Variants in AKAP9 observed in about 807,000 individuals in gnomAD.
The protein encoded by AKAP9 is A-kinase anchor protein 9.
AKAP9 carries 311 observed loss-of-function variants against 488.5 expected under a neutral mutation model. The ratio of observed to expected loss-of-function variants is 0.64; its 90% CI spans 0.58 to 0.70. AKAP9 has a LOEUF of 0.70. Ranked by LOEUF, AKAP9 falls within the 30% of genes least tolerant of loss-of-function variation. The pLI, the probability that AKAP9 is intolerant of heterozygous loss-of-function variation, is 0.00. For missense variants in AKAP9, 4,215 were observed against 4,374.5 expected, an observed-to-expected ratio of 0.96 and a Z score of 1.03; for synonymous variants, 1,462 against 1,483.5, an observed-to-expected ratio of 0.99 and a Z score of 0.33.
At chr7:92,003,343 AAATG>A in intron 8 of AKAP9, 108 bp downstream of exon 8, 1 of 831,200 alleles carries the variant, frequency 1.2e-6, no homozygotes, top group Non-Finnish European at 1.9e-6. Context: ...AAGAGAATGA[AAATG>A]AACCCTCTGA....
intron 25 of AKAP9, among the ~76,000 whole-genome samples, chr7:92,065,954 G>A (rs1810701508): frequency 6.6e-6 from 1 of 151,928 alleles, no homozygotes; most frequent in East Asian, 1.9e-4. Context: ...TTTCACTTAA[G>A]CCTGATACTC....
Position 92,076,959 on chromosome 7 carries a change from A to G in AKAP9, c.6717A>G (p.Glu2239=). ...TGCAATTAGAAATACAGAAAAAGGA[A>G]TCTACTACCCGCCTACAAGAACTTG... is the stretch of plus-strand genomic sequence containing the variant. The part of the protein sequence containing the change: ...LHMQLEIQKK[E]STTRLQELEQ... The change falls in exon 29 of 50, where the codon GAA becomes GAG. Residue 2239 remains glutamate, a synonymous_variant. Coordinates refer to ENST00000356239, the MANE Select transcript of AKAP9 (RefSeq NM_005751.5). The G allele has an allele frequency of 6.3e-7, 1 of 1,581,744 alleles. No individual in the cohort carries two copies. Among genetic ancestry groups the G allele is most frequent in the Non-Finnish European group, 8.6e-7 (1 of 1,157,394 alleles).
rs1225507886 is a variant in AKAP9, at chr7:91,955,065, A to G, written c.48+13918A>G. 3.9e-5 allele frequency among the ~76,000 whole-genome samples: 6 copies of G among 152,190 alleles called. No individual in the cohort carries two copies. The East Asian group carries it at 1.2e-3, about 29-fold the overall frequency. On this transcript the variant is annotated intron_variant, in intron 1 of 49. Transcript: ENST00000356239. ...ACACACTCATTTTAGAATCCTTTATATAAGATGAATCTCCTCGTGTTATCT... is the reference window on the plus strand; with the variant it reads ...ACACACTCATTTTAGAATCCTTTATGTAAGATGAATCTCCTCGTGTTATCT...
intron 38 of AKAP9, among the ~76,000 whole-genome samples, chr7:92,091,615 G>C (rs111845577): frequency 0.048 from 6,212 of 130,118 alleles, 257 homozygotes; most frequent in Non-Finnish European, 0.072. Context: ...AAAAAACAAA[G>C]CAGAAGCATT....
chr7:92,107,499 C>CT (rs909273653), intron 48 of AKAP9, 77 bp downstream of exon 48: 1 of 1,363,862 alleles, frequency 7.3e-7, no homozygotes, highest in Non-Finnish European at 1.0e-6. Flanking sequence ...ATTTTTAGGG[C>CT]TTTGACTTCT....
chr7:92,081,793 T>C (rs1255925116), intron 31 of AKAP9, among the ~76,000 whole-genome samples: 1 of 152,112 alleles, frequency 6.6e-6, no homozygotes, highest in African/African-American at 2.4e-5. Flanking sequence ...ATTCTCACCT[T>C]ATAAATTTAT....
intron 43 of AKAP9, among the ~76,000 whole-genome samples, chr7:92,099,394 C>T (rs1817157015): frequency 6.6e-6 from 1 of 152,154 alleles, no homozygotes; most frequent in Non-Finnish European, 1.5e-5. Context: ...TCAAGCCTTT[C>T]GTGACTCTCC....
intron 1 of AKAP9, among the ~76,000 whole-genome samples, chr7:91,970,737 A>G (rs1418398445): frequency 1.3e-5 from 2 of 152,032 alleles, no homozygotes; most frequent in Non-Finnish European, 2.9e-5. Flanking sequence ...TAGCTCTTTT[A>G]TACATTGTTT....
At chr7:92,083,702 TAA>T (rs34688691) in intron 33 of AKAP9, 47 bp downstream of exon 33, 308 of 1,425,826 alleles carry the variant, frequency 2.2e-4, no homozygotes, top group Middle Eastern at 5.6e-4. Flanking sequence ...TGTGGTTTTT[TAA>T]AAAAAAAAAA....
intron 47 of AKAP9, 128 bp from the exon 48 acceptor site, chr7:92,107,165 A>T: frequency 1.1e-6 from 1 of 933,818 alleles, no homozygotes; most frequent in Non-Finnish European, 1.6e-6. Context: ...AATAATAGAA[A>T]ATGACTATAA....
In AKAP9 at chr7:92,083,594, A is replaced by G. The variant is rs752618658; in HGVS notation, c.8585A>G (p.Gln2862Arg). The change falls in exon 33 of 50, where the codon CAG becomes CGG. Residue 2862 changes from glutamine (Q) to arginine (R), a missense_variant. Physicochemically the swap from Gln to Arg is conservative, Grantham distance 43. Around this residue, in one of 5 missense-constraint regions of AKAP9, gnomAD observed 1,476 missense variants for 1,477.4 expected, o/e 1.00. Coordinates refer to ENST00000356239, the MANE Select transcript of AKAP9 (RefSeq NM_005751.5). ...TLKREHYVAV[Q>R]LLKEECGTLK... The stretch of plus-strand genomic sequence containing the variant: ...AAGAGGGAACACTATGTTGCCGTTC[A>G]GTTACTGAAAGAGGAATGTGGTACC... 15 of 1,603,348 alleles carry G rather than the reference A, an allele frequency of 9.4e-6. No homozygotes were observed. The Admixed American group carries it at 2.6e-4, about 28-fold the overall frequency.
chr7:92,027,116 G>A (rs1803339979), intron 14 of AKAP9, among the ~76,000 whole-genome samples: 2 of 144,312 alleles, frequency 1.4e-5, no homozygotes, highest in Admixed American at 6.9e-5. Flanking sequence ...AGGAAGTGAG[G>A]AGCATCTCTG....
At chr7:92,017,665 G>T (rs1325098302) in intron 12 of AKAP9, among the ~76,000 whole-genome samples, 5 of 152,132 alleles carry the variant, frequency 3.3e-5, no homozygotes, top group Non-Finnish European at 7.4e-5. Context: ...CTATTTATTT[G>T]GGGTGCTTTT....
In AKAP9 at chr7:92,090,823, G is replaced by A. The variant is rs1343584556; in HGVS notation, c.9358+1294G>A. Among the ~76,000 whole-genome samples the A allele has an allele frequency of 2.0e-5, 3 of 152,196 alleles. No individual in the cohort carries two copies. In the East Asian group the frequency reaches 5.8e-4, roughly 29 times the overall value. ...TATATGACTAAGAGCAGAATTGCTG[G>A]GTCATGGAATGCCTATCTTAGATAA... is the stretch of plus-strand genomic sequence containing the variant. On this transcript the variant is annotated intron_variant, in intron 38 of 49. Transcript: ENST00000356239.
At chr7:91,943,353 A>G (rs981148503) in intron 1 of AKAP9, among the ~76,000 whole-genome samples, 1 of 152,266 alleles carries the variant, frequency 6.6e-6, no homozygotes, top group Non-Finnish European at 1.5e-5. Context: ...TGAAAAGGGC[A>G]TTATCAAAAA....
At chr7:91,997,490 T>G (rs770023916) in intron 7 of AKAP9, among the ~76,000 whole-genome samples, 1 of 152,246 alleles carries the variant, frequency 6.6e-6, no homozygotes, top group African/African-American at 2.4e-5. Flanking sequence ...ATACTCACTT[T>G]GTAAACAAGT....
chr7:91,976,029 A>G (rs540159039), intron 2 of AKAP9, among the ~76,000 whole-genome samples: 1 of 149,938 alleles, frequency 6.7e-6, no homozygotes, highest in African/African-American at 2.5e-5. Context: ...CCCAGGTTCG[A>G]GTGATTCTCC....
rs775766524 is a variant in AKAP9, at chr7:92,079,404, A to C, written c.7271A>C (p.Asn2424Thr). The part of the protein sequence containing the change: ...NVLKETNFKM[N>T]QLTQELFSLK... The stretch of plus-strand genomic sequence containing the variant: ...CTTAAAGAAACCAATTTTAAAATGA[A>C]TCAGCTAACACAGGAATTATTCAGC... The change falls in exon 31 of 50, where the codon AAT becomes ACT. Residue 2424 changes from asparagine to threonine, a missense_variant. Around this residue, in one of 5 missense-constraint regions of AKAP9, gnomAD observed 1,476 missense variants for 1,477.4 expected, o/e 1.00. Coordinates refer to ENST00000356239, the MANE Select transcript of AKAP9 (RefSeq NM_005751.5). The C allele has an allele frequency of 6.2e-7, 1 of 1,614,106 alleles. No homozygotes were observed. Among genetic ancestry groups the C allele is most frequent in the Non-Finnish European group, 8.5e-7 (1 of 1,179,998 alleles).
intron 37 of AKAP9, among the ~76,000 whole-genome samples, chr7:92,089,095 G>T (rs988554260): frequency 6.6e-6 from 1 of 151,930 alleles, no homozygotes; most frequent in Non-Finnish European, 1.5e-5. Flanking sequence ...ATTTGAATAG[G>T]CTCTGTATAT....
Sources: allele counts gnomAD v4.1 joint callset (sites outside exome capture counted in the v4.1 genomes callset), GRCh38; gene constraint gnomAD v4.1.1; regional missense constraint gnomAD v4.1.1; transcripts MANE v1.5; gene names NCBI Gene and HGNC (gene_info 2026-07-23, HGNC 2026-07-21).